The following SEMA3D variants were observed in gnomAD, a reference collection of about 807,000 sequenced individuals.
SEMA3D encodes semaphorin 3D.
A neutral mutation model predicts 100.1 loss-of-function variants in SEMA3D; 84 were observed. That is an observed-to-expected ratio of 0.84 (90% confidence interval 0.70 to 1.01). The LOEUF (loss-of-function observed/expected upper bound fraction) is 1.01. Ranked by LOEUF, SEMA3D falls within the 50% of genes least tolerant of loss-of-function variation. The probability of loss-of-function intolerance (pLI) is 0.00; values close to 1 mark genes in which losing one functional copy is unlikely to be tolerated. For synonymous variants in SEMA3D, 312 were observed against 320.7 expected, an observed-to-expected ratio of 0.97 and a Z score of 0.29; for missense variants, 875 against 934.1, an observed-to-expected ratio of 0.94 and a Z score of 0.82.
intron 3 of SEMA3D, among the ~76,000 whole-genome samples, chr7:85,113,368 A>C (rs1177500000): frequency 1.3e-5 from 2 of 152,166 alleles, no homozygotes; most frequent in Non-Finnish European, 2.9e-5. Context: ...ATAGAATCAA[A>C]CAACCAAGCT....
At chr7:85,210,092 A>G in the SEMA3D span, among the ~76,000 whole-genome samples, 1 of 152,042 alleles carries the variant, frequency 6.6e-6, no homozygotes, top group Non-Finnish European at 1.5e-5. Flanking sequence ...CACACCATTA[A>G]CTAATGGGAG....
chr7:85,188,664 T>C (rs1791627735), upstream of SEMA3D, among the ~76,000 whole-genome samples: 2 of 152,226 alleles, frequency 1.3e-5, no homozygotes, highest in Non-Finnish European at 2.9e-5. Flanking sequence ...TTAAATAATT[T>C]TGTCAGTTTA....
chr7:85,067,156 T>C (rs914496502), intron 7 of SEMA3D, among the ~76,000 whole-genome samples: 1 of 152,166 alleles, frequency 6.6e-6, no homozygotes, highest in Non-Finnish European at 1.5e-5. Flanking sequence ...TATTTGAATG[T>C]TTTGTTAGGA....
chr7:85,040,364 G>A (rs1015334086), intron 11 of SEMA3D, among the ~76,000 whole-genome samples: 1 of 151,938 alleles, frequency 6.6e-6, no homozygotes, highest in Admixed American at 6.6e-5. Context: ...ATATGCACAA[G>A]TTTAGTCACT....
the SEMA3D span, among the ~76,000 whole-genome samples, chr7:85,223,260 A>G: frequency 6.6e-6 from 1 of 152,150 alleles, no homozygotes; most frequent in Admixed American, 6.6e-5. Context: ...TTAAAGCACT[A>G]TTAGGTTGGT....
intron 3 of SEMA3D, among the ~76,000 whole-genome samples, chr7:85,115,187 G>A (rs749547869): frequency 2.6e-5 from 4 of 152,162 alleles, no homozygotes; most frequent in Non-Finnish European, 5.9e-5. Context: ...AAATACTTAT[G>A]TCTACAGTGA....
intron 3 of SEMA3D, among the ~76,000 whole-genome samples, chr7:85,120,346 A>T (rs1789372655): frequency 6.6e-6 from 1 of 152,102 alleles, no homozygotes. Context: ...ATGATTAAGA[A>T]ATGGAAGACA....
Position 85,069,899 on chromosome 7 carries a change from A to G in SEMA3D, c.496-1615T>C, listed in dbSNP as rs774016003. On this transcript the variant is annotated intron_variant, in intron 6 of 18. Transcript: ENST00000284136. The stretch of plus-strand genomic sequence containing the variant: ...TATTTTATAGAAATATGTAAAATAT[A>G]CATATTGTGTACATCCATGCCTCTT... 5.3e-5 allele frequency among the ~76,000 whole-genome samples: 8 copies of G among 152,344 alleles called. No individual in the cohort carries two copies. The South Asian group carries it at 1.7e-3, about 32-fold the overall frequency.
intron 17 of SEMA3D, among the ~76,000 whole-genome samples, chr7:85,007,731 G>A (rs1789839433): frequency 6.6e-6 from 1 of 151,672 alleles, no homozygotes. Flanking sequence ...AATGACAGCT[G>A]CTCAGCTTGG....
chr7:85,191,129 TA>T (rs1791686038), upstream of SEMA3D, among the ~76,000 whole-genome samples: 1 of 152,084 alleles, frequency 6.6e-6, no homozygotes, highest in Non-Finnish European at 1.5e-5. Context: ...TGCTTCAAAA[TA>T]AAAATAAAAA....
chr7:85,162,157 G>A (rs1790764869), intron 1 of SEMA3D, among the ~76,000 whole-genome samples: 1 of 151,844 alleles, frequency 6.6e-6, no homozygotes, highest in Admixed American at 6.6e-5. Context: ...AAGTAACAAA[G>A]CAAGAATCAG....
chr7:85,176,069 A>T (rs1038111343), intron 1 of SEMA3D, among the ~76,000 whole-genome samples: 2 of 138,486 alleles, frequency 1.4e-5, no homozygotes, highest in African/African-American at 4.9e-5. Flanking sequence ...ATAGAAGTTT[A>T]AAAAAAAGAG....
the SEMA3D span, among the ~76,000 whole-genome samples, chr7:85,193,542 A>C: frequency 2.0e-5 from 3 of 152,154 alleles, no homozygotes; most frequent in Non-Finnish European, 4.4e-5. Context: ...AGCCTAAGTA[A>C]CATGGGAGAA....
the SEMA3D span, among the ~76,000 whole-genome samples, chr7:85,241,467 G>GTATATATATATATATA: frequency 3.9e-4 from 36 of 91,966 alleles, 1 homozygote; most frequent in African/African-American, 1.8e-3. Flanking sequence ...CTGTGTGTGT[G>GTATATATATATATATA]TATATATATA....
chr7:85,041,936 TG>T, intron 10 of SEMA3D: 1 of 474,698 alleles, frequency 2.1e-6, no homozygotes, highest in African/African-American at 2.0e-5. Flanking sequence ...GCTGTAGTTT[TG>T]TTTCCTTCAC....
Position 85,121,943 on chromosome 7 carries a change from TA to T in SEMA3D, c.-40-13del, listed in dbSNP as rs375445705. 164,433 of 986,520 alleles carry T rather than the reference TA, an allele frequency of 0.17. 1,727 individuals are homozygous for T. The highest frequency in any genetic ancestry group is 0.18 in the Non-Finnish European group (131,386 of 728,276). The allele number at this position is 986,520 out of a possible 1,614,324, so 61.1% of individuals were successfully genotyped here. A position where few individuals can be genotyped will look rare whatever the true frequency, so the allele number is the denominator to read the frequency against. ...GGTGTTAATTTAATCTAAAAAAGAG[TA>T]AAAAAAAAAAAACTATTAAGGTATC... On this transcript the variant is annotated splice_polypyrimidine_tract_variant and intron_variant, in intron 2 of 18. Transcript: ENST00000284136.
chr7:85,194,407 T>A, the SEMA3D span, among the ~76,000 whole-genome samples: 3 of 152,200 alleles, frequency 2.0e-5, no homozygotes, highest in Non-Finnish European at 4.4e-5. Flanking sequence ...GTTTTCATCA[T>A]GAATGGGTGT....
chr7:85,210,139 T>C, the SEMA3D span, among the ~76,000 whole-genome samples: 7 of 152,108 alleles, frequency 4.6e-5, no homozygotes, highest in Admixed American at 2.0e-4. Flanking sequence ...GATTCTATTA[T>C]AGACCACAGC....
intron 1 of SEMA3D, chr7:85,159,818 T>A: frequency 1.0e-6 from 1 of 984,268 alleles, no homozygotes; most frequent in Non-Finnish European, 1.2e-6. Flanking sequence ...CAGTGCATAC[T>A]CTTTCCTTCA....
Sources: allele counts gnomAD v4.1 joint callset (sites outside exome capture counted in the v4.1 genomes callset), GRCh38; gene constraint gnomAD v4.1.1; transcripts MANE v1.5; gene names NCBI Gene and HGNC (gene_info 2026-07-23, HGNC 2026-07-21).